The following GMDS variants were observed in gnomAD, a reference collection of about 807,000 sequenced individuals.
GMDS encodes GDP-mannose 4,6-dehydratase, also known as GDP-mannose 4,6 dehydratase.
A neutral mutation model predicts 49.9 loss-of-function variants in GMDS; 20 were observed. The observed-to-expected ratio is 0.40, with a 90% CI of 0.28 to 0.58. The LOEUF (loss-of-function observed/expected upper bound fraction) is 0.58, where lower values mean the gene tolerates loss of function less well. GMDS is among the 20% of genes least tolerant of loss of function. The pLI is 0.42. For synonymous variants in GMDS, 177 were observed against 178.6 expected, an observed-to-expected ratio of 0.99 and a Z score of 0.07; for missense variants, 362 against 481.4, an observed-to-expected ratio of 0.75 and a Z score of 2.32.
rs183104103 is a variant in GMDS, at chr6:2,079,787, T to C, written c.345+35984A>G. ...ATAATGTGCCAAGGAGAAGACTTTC[T>C]TGCATTGTATATGTTTGCGGATCTT... On this transcript the variant is annotated intron_variant, in intron 4 of 10. Coordinates refer to ENST00000380815, the MANE Select transcript of GMDS (RefSeq NM_001500.4). Among the ~76,000 whole-genome samples the C allele has an allele frequency of 1.6e-3, 250 of 152,304 alleles. 2 individuals carry two copies. Among genetic ancestry groups the C allele is most frequent in the Non-Finnish European group, 2.6e-3 (177 of 68,012 alleles).
intron 4 of GMDS, among the ~76,000 whole-genome samples, chr6:1,962,133 G>T (rs1410836990): frequency 6.6e-6 from 1 of 152,078 alleles, no homozygotes; most frequent in African/African-American, 2.4e-5. Context: ...CAGTTCAGTG[G>T]TTTCTAGTAC....
intron 9 of GMDS, among the ~76,000 whole-genome samples, chr6:1,701,038 T>C (rs182997513): frequency 6.6e-6 from 1 of 152,302 alleles, no homozygotes; most frequent in African/African-American, 2.4e-5. Context: ...AAGTCTGGGT[T>C]CAGGAATCTT....
chr6:2,069,923 T>C (rs1771878125), intron 4 of GMDS, among the ~76,000 whole-genome samples: 2 of 152,078 alleles, frequency 1.3e-5, no homozygotes, highest in Non-Finnish European at 2.9e-5. Context: ...ACTGGGTATA[T>C]ACCCAAAGAA....
chr6:1,884,424 T>C (rs1321629302), intron 7 of GMDS, among the ~76,000 whole-genome samples: 1 of 152,244 alleles, frequency 6.6e-6, no homozygotes, highest in Non-Finnish European at 1.5e-5. Flanking sequence ...GTCAGCTATG[T>C]CTTCACCAAA....
intron 1 of GMDS, among the ~76,000 whole-genome samples, chr6:2,239,029 T>A (rs1250193600): frequency 6.7e-6 from 1 of 149,312 alleles, no homozygotes; most frequent in African/African-American, 2.5e-5. Context: ...TGGTTTCATT[T>A]AAAAAAAAAA....
chr6:1,831,852 A>AAGGCC (rs1291817787), intron 7 of GMDS, among the ~76,000 whole-genome samples: 2 of 152,084 alleles, frequency 1.3e-5, no homozygotes, highest in Non-Finnish European at 2.9e-5. Context: ...CCAATGCACA[A>AAGGCC]AGGCCAAAGA....
chr6:2,164,832 G>A (rs1581735846), intron 1 of GMDS, among the ~76,000 whole-genome samples: 1 of 152,218 alleles, frequency 6.6e-6, no homozygotes, highest in African/African-American at 2.4e-5. Flanking sequence ...TGGTGTTTGA[G>A]CTGGAAAATA....
At chr6:1,696,949 A>C (rs997325112) in intron 9 of GMDS, among the ~76,000 whole-genome samples, 4 of 152,244 alleles carry the variant, frequency 2.6e-5, no homozygotes, top group Non-Finnish European at 4.4e-5. Flanking sequence ...GGCATCTTTA[A>C]GCATTTGTTT....
At chr6:2,185,722 T>A (rs1448590362) in intron 1 of GMDS, among the ~76,000 whole-genome samples, 1 of 152,166 alleles carries the variant, frequency 6.6e-6, no homozygotes, top group Non-Finnish European at 1.5e-5. Flanking sequence ...AGGGCCAAGA[T>A]AATGTTAAAC....
At chr6:2,013,205 C>T (rs1403483287) in intron 4 of GMDS, among the ~76,000 whole-genome samples, 1 of 152,140 alleles carries the variant, frequency 6.6e-6, no homozygotes, top group Non-Finnish European at 1.5e-5. Flanking sequence ...AAATAGTTCT[C>T]AAGGTATCCT....
At chr6:1,872,607 A>C (rs1253131410) in intron 7 of GMDS, among the ~76,000 whole-genome samples, 1 of 152,270 alleles carries the variant, frequency 6.6e-6, no homozygotes, top group Non-Finnish European at 1.5e-5. Context: ...CTGGCTAGTC[A>C]CATTATTTAT....
chr6:1,670,554 C>G (rs905813766), intron 9 of GMDS, among the ~76,000 whole-genome samples: 10 of 151,928 alleles, frequency 6.6e-5, no homozygotes, highest in African/African-American at 2.4e-4. Flanking sequence ...CTTATCTACA[C>G]CGGGATAAGA....
chr6:1,943,168 C>T (rs1201785555), intron 6 of GMDS, among the ~76,000 whole-genome samples: 1 of 152,202 alleles, frequency 6.6e-6, no homozygotes, highest in Non-Finnish European at 1.5e-5. Context: ...GTGCAGACCC[C>T]CCAGCATGCA....
intron 4 of GMDS, among the ~76,000 whole-genome samples, chr6:1,976,383 C>T (rs534456697): frequency 6.6e-6 from 1 of 152,282 alleles, no homozygotes; most frequent in East Asian, 1.9e-4. Context: ...TCTTGTTCAC[C>T]AGTATGTGCC....
intron 4 of GMDS, among the ~76,000 whole-genome samples, chr6:2,099,427 A>T (rs1028975597): frequency 6.6e-6 from 1 of 152,106 alleles, no homozygotes; most frequent in Admixed American, 6.5e-5. Flanking sequence ...TTCTACTGTA[A>T]TTGTCTGTAA....
chr6:1,960,330 C>T (rs1763867627), intron 5 of GMDS, among the ~76,000 whole-genome samples: 1 of 151,650 alleles, frequency 6.6e-6, no homozygotes, highest in Non-Finnish European at 1.5e-5. Flanking sequence ...TCACTGAAGT[C>T]TTTCATTAAT....
chr6:2,133,886 T>C (rs894715759), intron 1 of GMDS, among the ~76,000 whole-genome samples: 1 of 152,180 alleles, frequency 6.6e-6, no homozygotes, highest in Non-Finnish European at 1.5e-5. Flanking sequence ...AGCTCCAAGT[T>C]AGCACAAAGA....
intron 9 of GMDS, among the ~76,000 whole-genome samples, chr6:1,636,966 A>G (rs555147703): frequency 1.3e-5 from 2 of 152,312 alleles, no homozygotes; most frequent in East Asian, 1.9e-4. Flanking sequence ...TCTCCAAGCT[A>G]CTGCTTGCCA....
intron 1 of GMDS, among the ~76,000 whole-genome samples, chr6:2,147,707 G>A (rs3800167): frequency 0.04 from 6,104 of 151,358 alleles, 247 homozygotes; most frequent in South Asian, 0.13. Flanking sequence ...ATTTCTCACA[G>A]GGATTCATTT....
Sources: allele counts gnomAD v4.1 joint callset (sites outside exome capture counted in the v4.1 genomes callset), GRCh38; gene constraint gnomAD v4.1.1; transcripts MANE v1.5; gene names NCBI Gene and HGNC (gene_info 2026-07-23, HGNC 2026-07-21).